Variants in TIMM13 observed in about 807,000 individuals in gnomAD.
The protein encoded by TIMM13 is mitochondrial import inner membrane translocase subunit Tim13.
TIMM13 carries 8 observed loss-of-function variants against 10.9 expected under a neutral mutation model. The observed-to-expected ratio is 0.73, with a 90% CI of 0.43 to 1.32. The LOEUF is 1.32. TIMM13 is among the 40% of genes most tolerant of loss of function. The pLI is 0.01. For synonymous variants in TIMM13, 68 were observed against 52.5 expected (o/e 1.30, Z -1.28); for missense variants, 147 against 132.8 (o/e 1.11, Z -0.53).
rs372121046 is a variant in TIMM13 at position 2,425,911 on chromosome 19, C to T, written c.*1037G>A. On this transcript the variant is annotated 3_prime_UTR_variant, in exon 3 of 3. Transcript: ENST00000215570. ...AGGTACCGGCCTCTGAACCCCCTTT[C>T]TTCTCTCCCCAACAGGGTGACGCTG... The T allele has an allele frequency of 3.7e-5, 58 of 1,576,972 alleles. No individual in the cohort carries two copies. The highest frequency in any genetic ancestry group is 5.0e-5 in the Non-Finnish European group (58 of 1,167,530).
chr19:2,426,787 C>G lies in TIMM13; in HGVS notation c.*161G>C, dbSNP rs1403560725. 2.0e-5 allele frequency: 15 copies of G among 743,562 alleles called. No homozygotes were observed. In the South Asian group the frequency reaches 2.5e-4, roughly 13 times the overall value. The allele number at this position is 743,562 out of a possible 1,614,324, so 46.1% of individuals were successfully genotyped here. A position where few individuals can be genotyped will look rare whatever the true frequency, so the allele number is the denominator to read the frequency against. On this transcript the variant is annotated 3_prime_UTR_variant, in exon 3 of 3. Transcript: ENST00000215570. ...ACCCCCGAGATCCAAGCTGCACTGGCTGGCAGGGGGCAGGGCGGGGGGTGG... is the reference window on the plus strand; with the variant it reads ...ACCCCCGAGATCCAAGCTGCACTGGGTGGCAGGGGGCAGGGCGGGGGGTGG...
At position 2,426,921 on chromosome 19, in the gene TIMM13, C is replaced by T. The variant is rs1020772901; in HGVS notation, c.*27G>A. The T allele has an allele frequency of 6.4e-6, 10 of 1,559,512 alleles. No individual in the cohort carries two copies. In the African/African-American group the frequency reaches 1.4e-4, roughly 21 times the overall value. On this transcript the variant is annotated 3_prime_UTR_variant, in exon 3 of 3. Coordinates refer to ENST00000215570, the MANE Select transcript of TIMM13 (RefSeq NM_012458.4). ...CTCAAAGCACGTTTATGGAAATGAACAGGGTGGGGTGGCCCGCGCTCGCCG... is the reference window on the plus strand; with the variant it reads ...CTCAAAGCACGTTTATGGAAATGAATAGGGTGGGGTGGCCCGCGCTCGCCG...
Position 2,427,265 on chromosome 19 carries a change from G to A in TIMM13, c.180C>T (p.Asn60=). ...CCTCCGCGGGTCTCACCTGCTCGGA[G>A]TTGTCCAGGGAGCCCCCAGGTTTCC... ...CIGKPGGSLD[N]SEQKCIAMCM... The change falls in exon 2 of 3, where the codon AAC becomes AAT. Residue 60 remains asparagine (N), a synonymous_variant. Transcript: ENST00000215570. 2 of 1,613,316 alleles carry A rather than the reference G, an allele frequency of 1.2e-6. No individual in the cohort carries two copies. Among genetic ancestry groups the A allele is most frequent in the South Asian group, 1.1e-5 (1 of 91,082 alleles).
chr19:2,425,883 G>T lies in TIMM13; in HGVS notation c.*1065C>A. The T allele has an allele frequency of 6.5e-7, 1 of 1,544,538 alleles. No individual in the cohort carries two copies. The highest frequency in any genetic ancestry group is 2.3e-5 in the East Asian group (1 of 43,144). ...GCCAATGACCCAAGGGCTGCTGTAGGGGAGGTACCGGCCTCTGAACCCCCT... is the reference window on the plus strand; with the variant it reads ...GCCAATGACCCAAGGGCTGCTGTAGTGGAGGTACCGGCCTCTGAACCCCCT... On this transcript the variant is annotated 3_prime_UTR_variant, in exon 3 of 3. Transcript: ENST00000215570.
rs372496541 is a variant in TIMM13, at chr19:2,427,194, G to C, written c.189+62C>G. 13 of 1,588,792 alleles carry C rather than the reference G, an allele frequency of 8.2e-6. No individual in the cohort carries two copies. In the South Asian group the frequency reaches 1.2e-4, roughly 15 times the overall value. On this transcript the variant is annotated intron_variant, in intron 2 of 2. Coordinates refer to ENST00000215570, the MANE Select transcript of TIMM13 (RefSeq NM_012458.4). Reference sequence around the variant, plus strand: ...CTCCCCGTTAGTCTGCGCACGCGCAGACACCTCCCCCCTCGAATCTAGGCC... The same window carrying C: ...CTCCCCGTTAGTCTGCGCACGCGCACACACCTCCCCCCTCGAATCTAGGCC...
Position 2,426,182 on chromosome 19 carries a change from C to T in TIMM13, c.*766G>A, listed in dbSNP as rs1039391584. On this transcript the variant is annotated 3_prime_UTR_variant, in exon 3 of 3. Coordinates refer to ENST00000215570, the MANE Select transcript of TIMM13 (RefSeq NM_012458.4). Reference sequence around the variant, plus strand: ...CACCCCACCGTACCCTACCCAAGGACGGGTGTGGGGGGGCTGTGGGTCATG... The same window carrying T: ...CACCCCACCGTACCCTACCCAAGGATGGGTGTGGGGGGGCTGTGGGTCATG... The T allele has an allele frequency of 5.6e-5, 54 of 968,890 alleles. No individual in the cohort carries two copies. In the East Asian group the frequency reaches 9.9e-4, roughly 18 times the overall value. 60.0% of individuals were successfully genotyped at this position (968,890 alleles called of 1,614,324 possible). A position where few individuals can be genotyped will look rare whatever the true frequency, so the allele number is the denominator to read the frequency against.
At chr19:2,427,172 C>T (rs1971659093) in intron 2 of TIMM13, 84 bp downstream of exon 2, 2 of 1,579,164 alleles carry the variant, frequency 1.3e-6, no homozygotes, top group Admixed American at 1.7e-5. Context: ...GTCGCACCTC[C>T]CCGTTAGTCT....
rs747763355 is a variant in TIMM13 at position 2,425,969 on chromosome 19, C to A, written c.*979G>T. The A allele has an allele frequency of 1.2e-6, 2 of 1,606,970 alleles. No individual in the cohort carries two copies. The highest frequency in any genetic ancestry group is 1.7e-6 in the Non-Finnish European group (2 of 1,177,792). ...CCTGGCCTGCAGGGAGCCCTCTGGA[C>A]GGTGGGTGCTAACTGGGGTCACTAG... is the stretch of plus-strand genomic sequence containing the variant. On this transcript the variant is annotated 3_prime_UTR_variant, in exon 3 of 3. Coordinates refer to ENST00000215570, the MANE Select transcript of TIMM13 (RefSeq NM_012458.4).
intron 2 of TIMM13, 48 bp downstream of exon 2, chr19:2,427,208 C>A: frequency 6.4e-7 from 1 of 1,558,746 alleles, no homozygotes; most frequent in Non-Finnish European, 8.6e-7. Flanking sequence ...CCTCCCCCCT[C>A]GAATCTAGGC....
chr19:2,425,746 C>G lies in TIMM13; in HGVS notation c.*1202G>C. The G allele has an allele frequency of 8.6e-7, 1 of 1,156,514 alleles. No homozygotes were observed. The highest frequency in any genetic ancestry group is 1.2e-6 in the Non-Finnish European group (1 of 853,156). 71.6% of individuals were successfully genotyped at this position (1,156,514 alleles called of 1,614,324 possible). ...TGCAGTGGGAGGCACCGTTCCACTCCGGGACCACGTGGCGGGTGTCCATAA... is the reference window on the plus strand; with the variant it reads ...TGCAGTGGGAGGCACCGTTCCACTCGGGGACCACGTGGCGGGTGTCCATAA... On this transcript the variant is annotated 3_prime_UTR_variant, in exon 3 of 3. Coordinates refer to ENST00000215570, the MANE Select transcript of TIMM13 (RefSeq NM_012458.4).
rs138964145 is a variant in TIMM13 at position 2,426,562 on chromosome 19, C to A, written c.*386G>T. ...CCTCAGGAGGGAAATAAAGAGGTTT[C>A]TCTCCGTCCTCCACCAATTTATTTG... On this transcript the variant is annotated 3_prime_UTR_variant, in exon 3 of 3. Coordinates refer to ENST00000215570, the MANE Select transcript of TIMM13 (RefSeq NM_012458.4). 8.4e-5 allele frequency: 28 copies of A among 334,322 alleles called. No individual in the cohort carries two copies. In the East Asian group the frequency reaches 8.6e-4, roughly 10 times the overall value. 20.7% of individuals were successfully genotyped at this position (334,322 alleles called of 1,614,324 possible).
rs1261483645 is a variant in TIMM13 at position 2,427,495 on chromosome 19, G to A, written c.39C>T (p.Gly13=). ...TGAGCCCTGGGTCCAGCTTCCCGCT[G>A]CCGGAGCCCCCGAAATCGGAGCCGA... ...GGFGSDFGGS[G]SGKLDPGLIM... The change falls in exon 1 of 3, where the codon GGC becomes GGT. Residue 13 remains glycine, a synonymous_variant. Coordinates refer to ENST00000215570, the MANE Select transcript of TIMM13 (RefSeq NM_012458.4). 1.9e-6 allele frequency: 3 copies of A among 1,611,354 alleles called. No individual in the cohort carries two copies. Among genetic ancestry groups the A allele is most frequent in the Non-Finnish European group, 2.5e-6 (3 of 1,179,296 alleles).
In TIMM13 at chr19:2,426,928, G is replaced by C; in HGVS notation, c.*20C>G. Reference sequence around the variant, plus strand: ...CACGTTTATGGAAATGAACAGGGTGGGGTGGCCCGCGCTCGCCGGTCACAT... The same window carrying C: ...CACGTTTATGGAAATGAACAGGGTGCGGTGGCCCGCGCTCGCCGGTCACAT... On this transcript the variant is annotated 3_prime_UTR_variant, in exon 3 of 3. Coordinates refer to ENST00000215570, the MANE Select transcript of TIMM13 (RefSeq NM_012458.4). 1.3e-6 allele frequency: 2 copies of C among 1,565,168 alleles called. No individual in the cohort carries two copies. The highest frequency in any genetic ancestry group is 1.7e-6 in the Non-Finnish European group (2 of 1,155,294).
rs956406196 is a variant in TIMM13, at chr19:2,425,846, A to T, written c.*1102T>A. On this transcript the variant is annotated 3_prime_UTR_variant, in exon 3 of 3. Coordinates refer to ENST00000215570, the MANE Select transcript of TIMM13 (RefSeq NM_012458.4). ...GCTCCCAGGGGAAGTCACTAGGGTC[A>T]CTCCTAGAGGGGCCAATGACCCAAG... 2 of 1,470,184 alleles carry T rather than the reference A, an allele frequency of 1.4e-6. No homozygotes were observed. The highest frequency in any genetic ancestry group is 2.9e-5 in the African/African-American group (2 of 69,590). 91.1% of individuals were successfully genotyped at this position (1,470,184 alleles called of 1,614,324 possible). A position where few individuals can be genotyped will look rare whatever the true frequency, so the allele number is the denominator to read the frequency against.
rs1971623283 is a variant in TIMM13 at position 2,426,111 on chromosome 19, G to GA, written c.*836dup. The GA allele has an allele frequency of 6.6e-7, 1 of 1,523,768 alleles. No homozygotes were observed. The highest frequency in any genetic ancestry group is 8.8e-7 in the Non-Finnish European group (1 of 1,141,640). The allele number at this position is 1,523,768 out of a possible 1,614,324, so 94.4% of individuals were successfully genotyped here. ...TGACCACCACGTGACTGCCCAGGCCGAGACTCTACGTGAAAGCAACAGGAG... is the reference window on the plus strand; with the variant it reads ...TGACCACCACGTGACTGCCCAGGCCGAAGACTCTACGTGAAAGCAACAGGAG... On this transcript the variant is annotated 3_prime_UTR_variant, in exon 3 of 3. Coordinates refer to ENST00000215570, the MANE Select transcript of TIMM13 (RefSeq NM_012458.4).
At position 2,426,177 on chromosome 19, in the gene TIMM13, A is replaced by C; in HGVS notation, c.*771T>G. ...CACCCCACCCCACCGTACCCTACCC[A>C]AGGACGGGTGTGGGGGGGCTGTGGG... is the stretch of plus-strand genomic sequence containing the variant. On this transcript the variant is annotated 3_prime_UTR_variant, in exon 3 of 3. Transcript: ENST00000215570. The C allele has an allele frequency of 5.8e-6, 6 of 1,026,108 alleles. No individual in the cohort carries two copies. Among genetic ancestry groups the C allele is most frequent in the Non-Finnish European group, 7.6e-6 (6 of 794,532 alleles). 63.6% of individuals were successfully genotyped at this position (1,026,108 alleles called of 1,614,324 possible). A position where few individuals can be genotyped will look rare whatever the true frequency, so the allele number is the denominator to read the frequency against.
In TIMM13 at chr19:2,427,482, C is replaced by T; in HGVS notation, c.52G>A (p.Asp18Asn). The change falls in exon 1 of 3, where the codon GAC (aspartate) becomes AAC (asparagine). Residue 18 changes from aspartate to asparagine, a missense_variant. Asp to Asn is a conservative substitution (Grantham distance 23, BLOSUM62 1). Transcript: ENST00000215570. ...DFGGSGSGKL[D>N]PGLIMEQVKV... The stretch of plus-strand genomic sequence containing the variant: ...ACCTGCTCCATTATGAGCCCTGGGT[C>T]CAGCTTCCCGCTGCCGGAGCCCCCG... The T allele has an allele frequency of 6.2e-7, 1 of 1,612,362 alleles. No homozygotes were observed. Among genetic ancestry groups the T allele is most frequent in the African/African-American group, 1.3e-5 (1 of 75,028 alleles).
At position 2,426,902 on chromosome 19, in the gene TIMM13, G is replaced by C. The variant is rs1298760781; in HGVS notation, c.*46C>G. On this transcript the variant is annotated 3_prime_UTR_variant, in exon 3 of 3. Transcript: ENST00000215570. ...GTACATGCGGACCCCGCCTCTCAAA[G>C]CACGTTTATGGAAATGAACAGGGTG... The C allele has an allele frequency of 6.5e-7, 1 of 1,538,370 alleles. No homozygotes were observed. Among genetic ancestry groups the C allele is most frequent in the South Asian group, 1.2e-5 (1 of 84,322 alleles).
At position 2,427,255 on chromosome 19, in the gene TIMM13, C is replaced by G; in HGVS notation, c.189+1G>C. The G allele has an allele frequency of 6.2e-7, 1 of 1,613,260 alleles. No homozygotes were observed. The highest frequency in any genetic ancestry group is 8.5e-7 in the Non-Finnish European group (1 of 1,179,810). On this transcript the variant is annotated splice_donor_variant, in intron 2 of 2. Coordinates refer to ENST00000215570, the MANE Select transcript of TIMM13 (RefSeq NM_012458.4). LOFTEE classifies it high-confidence loss of function. ...TTGCCCCGAACCTCCGCGGGTCTCA[C>G]CTGCTCGGAGTTGTCCAGGGAGCCC...
Sources: gnomAD v4.1 joint callset for allele counts on GRCh38, gnomAD v4.1.1 for gene constraint, MANE v1.5 for transcripts, NCBI Gene and HGNC (gene_info 2026-07-23, HGNC 2026-07-21) for gene names.